The following EAPP variants were observed in gnomAD, a reference collection of about 807,000 sequenced individuals.
EAPP encodes E2F associated phosphoprotein, also known as E2F-associated phosphoprotein.
Under a neutral mutation model 34.3 loss-of-function variants are expected in EAPP, and 38 were observed. The observed-to-expected ratio is 1.11, with a 90% CI of 0.85 to 1.45. EAPP has a LOEUF of 1.45. Among genes scored for constraint, EAPP ranks in the 40% most tolerant of loss-of-function variants. The pLI, the probability that EAPP is intolerant of heterozygous loss-of-function variation, is 0.00. For missense variants in EAPP, 338 were observed against 343.7 expected, an observed-to-expected ratio of 0.98 and a Z score of 0.13; for synonymous variants, 113 against 117.6, an observed-to-expected ratio of 0.96 and a Z score of 0.25.
intron 5 of EAPP, among the ~76,000 whole-genome samples, chr14:34,520,944 C>G (rs1879897109): frequency 6.6e-6 from 1 of 152,070 alleles, no homozygotes; most frequent in African/African-American, 2.4e-5. Flanking sequence ...TTGTCCATAA[C>G]CTTTGGACAG....
intron 2 of EAPP, among the ~76,000 whole-genome samples, chr14:34,534,660 A>G (rs1307727139): frequency 6.6e-6 from 1 of 152,118 alleles, no homozygotes; most frequent in Non-Finnish European, 1.5e-5. Context: ...AAATTATGCA[A>G]GTAAACAGTA....
In EAPP at chr14:34,516,199, A is replaced by C. The variant is rs542507827; in HGVS notation, c.*111T>G. The C allele has an allele frequency of 9.5e-7, 1 of 1,052,214 alleles. No individual in the cohort carries two copies. Among genetic ancestry groups the C allele is most frequent in the East Asian group, 2.4e-5 (1 of 41,446 alleles). The allele number at this position is 1,052,214 out of a possible 1,614,324, so 65.2% of individuals were successfully genotyped here. On this transcript the variant is annotated 3_prime_UTR_variant, in exon 6 of 6. Transcript: ENST00000250454. ...TTGACAACTATTCTCCTTTAAAAAG[A>C]GAAACACTGCTTCCTCAATGTCACT...
At chr14:34,519,858 TAC>T (rs1468878668) in intron 5 of EAPP, among the ~76,000 whole-genome samples, 1 of 148,604 alleles carries the variant, frequency 6.7e-6, no homozygotes, top group East Asian at 2.0e-4. Context: ...AAAAAAAACT[TAC>T]AGTTATAACA....
At chr14:34,537,356 A>G (rs1463637045) in intron 1 of EAPP, among the ~76,000 whole-genome samples, 1 of 152,238 alleles carries the variant, frequency 6.6e-6, no homozygotes, top group Admixed American at 6.5e-5. Context: ...AAACTTCAAA[A>G]TAAAATGTTT....
chr14:34,516,976 C>T (rs187725391), intron 5 of EAPP, among the ~76,000 whole-genome samples: 121 of 144,798 alleles, frequency 8.4e-4, no homozygotes, highest in African/African-American at 3.0e-3. Flanking sequence ...CTCGCTCTGT[C>T]GCCCAGGCTG....
In EAPP at chr14:34,538,137, G is replaced by A. The variant is rs544443995; in HGVS notation, c.74+1418C>T. Among the ~76,000 whole-genome samples, 4 of 152,278 alleles carry A rather than the reference G, an allele frequency of 2.6e-5. No individual in the cohort carries two copies. In the South Asian group the frequency reaches 8.3e-4, roughly 32 times the overall value. On this transcript the variant is annotated intron_variant, in intron 1 of 5. Coordinates refer to ENST00000250454, the MANE Select transcript of EAPP (RefSeq NM_018453.4). ...TCAGGCCTGTAATCCTAGCACTTTG[G>A]GAGCCCGACGCAGGCAGATTGCCTA...
intron 3 of EAPP, 24 bp from the exon 4 acceptor site, chr14:34,529,499 T>C (rs12147949): frequency 0.36 from 530,950 of 1,458,980 alleles, 99,951 homozygotes; most frequent in Non-Finnish European, 0.39. Flanking sequence ...TATTAGGATA[T>C]GGCTAAGAAT....
chr14:34,530,542 T>A (rs946250786), intron 3 of EAPP, among the ~76,000 whole-genome samples: 7 of 151,580 alleles, frequency 4.6e-5, no homozygotes, highest in Non-Finnish European at 1.0e-4. Flanking sequence ...AAGTAAAAAA[T>A]TTAACAAAAA....
intron 4 of EAPP, among the ~76,000 whole-genome samples, chr14:34,526,414 C>A (rs954424788): frequency 6.6e-6 from 1 of 151,230 alleles, no homozygotes; most frequent in Non-Finnish European, 1.5e-5. Flanking sequence ...GGCAACAGAG[C>A]GAGACTCTGT....
chr14:34,529,842 C>T (rs12434523), intron 3 of EAPP, among the ~76,000 whole-genome samples: 56,618 of 151,838 alleles, frequency 0.37, 12,240 homozygotes, highest in East Asian at 0.68. Context: ...ATGGTGAAAC[C>T]GCCTCTCTAC....
chr14:34,533,990 T>C (rs899831821), intron 2 of EAPP, among the ~76,000 whole-genome samples: 2 of 152,186 alleles, frequency 1.3e-5, no homozygotes, highest in African/African-American at 4.8e-5. Context: ...ACATTACCTA[T>C]ACTTATGTCA....
rs545037407 is a variant in EAPP, at chr14:34,536,387, G to T, written c.75-112C>A. 4 of 737,298 alleles carry T rather than the reference G, an allele frequency of 5.4e-6. No homozygotes were observed. The Admixed American group carries it at 1.3e-4, about 25-fold the overall frequency. The allele number at this position is 737,298 out of a possible 1,614,324, so 45.7% of individuals were successfully genotyped here. On this transcript the variant is annotated intron_variant, in intron 1 of 5. Coordinates refer to ENST00000250454, the MANE Select transcript of EAPP (RefSeq NM_018453.4). ...TTTTAAGTATTACATGGTTACATTT[G>T]ATGTACTTATACATTACATATAGCT...
chr14:34,535,890 T>C (rs532347466), intron 2 of EAPP: 27 of 481,344 alleles, frequency 5.6e-5, no homozygotes, highest in Admixed American at 8.3e-5. Flanking sequence ...GAATGAGACA[T>C]TGAATCTAAA....
At chr14:34,533,577 TACATAATTC>T in intron 2 of EAPP, 38 bp from the exon 3 acceptor site, 5 of 1,402,560 alleles carry the variant, frequency 3.6e-6, no homozygotes, top group Non-Finnish European at 4.8e-6. Context: ...GACTAAATCA[TACATAATTC>T]ACAAGGCAAA....
At chr14:34,533,932 G>A (rs528877151) in intron 2 of EAPP, among the ~76,000 whole-genome samples, 10 of 152,212 alleles carry the variant, frequency 6.6e-5, no homozygotes, top group Non-Finnish European at 1.0e-4. Flanking sequence ...AAGGCAGGAG[G>A]AATGAGTCAA....
chr14:34,523,768 T>G (rs1880001925), intron 5 of EAPP, among the ~76,000 whole-genome samples: 17 of 152,108 alleles, frequency 1.1e-4, no homozygotes, highest in Admixed American at 1.1e-3. Context: ...GGTCTCAAAC[T>G]CCTAGGCTCA....
At chr14:34,517,395 T>G (rs1272132740) in intron 5 of EAPP, among the ~76,000 whole-genome samples, 2 of 151,594 alleles carry the variant, frequency 1.3e-5, no homozygotes. Flanking sequence ...ATTACAGGAA[T>G]GCACCACCAC....
At chr14:34,539,337 T>C (rs575740683) in intron 1 of EAPP, 2 of 691,852 alleles carry the variant, frequency 2.9e-6, no homozygotes, top group South Asian at 3.0e-5. Context: ...CCCCCGTGAT[T>C]CCGGAATATC....
intron 5 of EAPP, among the ~76,000 whole-genome samples, chr14:34,522,906 T>G (rs1003280591): frequency 6.6e-6 from 1 of 152,148 alleles, no homozygotes; most frequent in Admixed American, 6.6e-5. Flanking sequence ...GACAGATCTC[T>G]TACCAGAGAA....
Sources: gnomAD v4.1 joint callset for allele counts (sites outside exome capture counted in the v4.1 genomes callset) on GRCh38, gnomAD v4.1.1 for gene constraint, MANE v1.5 for transcripts, NCBI Gene and HGNC (gene_info 2026-07-23, HGNC 2026-07-21) for gene names.